CDC14B: variants seen among roughly 807,000 people sequenced by gnomAD.
CDC14B encodes cell division cycle 14B.
A neutral mutation model predicts 64.2 loss-of-function variants in CDC14B; 22 were observed. The ratio of observed to expected loss-of-function variants is 0.34; its 90% confidence interval spans 0.24 to 0.49. CDC14B has a LOEUF of 0.49. Among genes scored for constraint, CDC14B ranks in the 20% least tolerant of loss-of-function variants. The probability of loss-of-function intolerance (pLI) is 0.99; values close to 1 mark genes in which losing one functional copy is unlikely to be tolerated. For synonymous variants in CDC14B, 191 were observed against 215.8 expected, an observed-to-expected ratio of 0.89 and a Z score of 1.01; for missense variants, 498 against 629.9, an observed-to-expected ratio of 0.79 and a Z score of 2.24.
chr9:96,553,732 T>C (rs1466999649), intron 4 of CDC14B, among the ~76,000 whole-genome samples: 1 of 152,200 alleles, frequency 6.6e-6, no homozygotes, highest in African/African-American at 2.4e-5. Context: ...CAGCCTGTTT[T>C]TTCCAAATTC....
intron 12 of CDC14B, among the ~76,000 whole-genome samples, chr9:96,518,411 A>G (rs1836090733): frequency 6.6e-6 from 1 of 152,028 alleles, no homozygotes; most frequent in Non-Finnish European, 1.5e-5. Context: ...GCTACTCAGG[A>G]GGCTGAGGCA....
At chr9:96,616,492 A>C (rs1016302679) in intron 1 of CDC14B, among the ~76,000 whole-genome samples, 2 of 152,074 alleles carry the variant, frequency 1.3e-5, no homozygotes, top group Non-Finnish European at 2.9e-5. Context: ...TTGGGAGACC[A>C]AGGCGGGCGG....
intron 7 of CDC14B, 65 bp downstream of exon 7, chr9:96,539,013 T>G: frequency 2.0e-6 from 2 of 1,010,354 alleles, no homozygotes; most frequent in African/African-American, 3.2e-5. Flanking sequence ...TATTTGTCAA[T>G]TATTCCCCTC....
At chr9:96,557,569 AAC>A (rs1842652201) in intron 4 of CDC14B, among the ~76,000 whole-genome samples, 1 of 152,248 alleles carries the variant, frequency 6.6e-6, no homozygotes, top group Non-Finnish European at 1.5e-5. Flanking sequence ...ATCATTAAAT[AAC>A]AAAGTCCCTG....
intron 7 of CDC14B, among the ~76,000 whole-genome samples, chr9:96,535,206 C>T (rs1282195069): frequency 1.3e-5 from 2 of 152,132 alleles, no homozygotes; most frequent in Non-Finnish European, 2.9e-5. Context: ...ACTCGGGAGG[C>T]TGAGGCAGGA....
chr9:96,505,059 T>C lies in CDC14B; in HGVS notation c.1461-1270A>G, dbSNP rs1833934120. On this transcript the variant is annotated intron_variant, in intron 13 of 13. Coordinates refer to ENST00000375241, the MANE Select transcript of CDC14B (RefSeq NM_033331.4). ...AGCCAGGCGTGGTGATGCACGCCTG[T>C]ATTCCCAGCTATGCAGGAGGCTGAG... Among the ~76,000 whole-genome samples, 3 of 151,984 alleles carry C rather than the reference T, an allele frequency of 2.0e-5. No individual in the cohort carries two copies. In the South Asian group the frequency reaches 6.2e-4, roughly 32 times the overall value.
chr9:96,524,960 G>T (rs1018698054), intron 9 of CDC14B, among the ~76,000 whole-genome samples: 1 of 152,202 alleles, frequency 6.6e-6, no homozygotes, highest in Admixed American at 6.5e-5. Context: ...GTGGCTTTGT[G>T]ATTGACAACC....
At chr9:96,615,434 A>G (rs1847566641) in intron 1 of CDC14B, among the ~76,000 whole-genome samples, 1 of 152,232 alleles carries the variant, frequency 6.6e-6, no homozygotes, top group Non-Finnish European at 1.5e-5. Context: ...CACACGAAGT[A>G]TCCTGGGATC....
At chr9:96,589,353 T>C (rs1845651676) in intron 1 of CDC14B, among the ~76,000 whole-genome samples, 1 of 147,210 alleles carries the variant, frequency 6.8e-6, no homozygotes, top group Admixed American at 6.8e-5. Flanking sequence ...AAAAAAAAAA[T>C]ACACCTAGTA....
At chr9:96,531,431 T>C (rs1179754273) in intron 9 of CDC14B, among the ~76,000 whole-genome samples, 4 of 152,214 alleles carry the variant, frequency 2.6e-5, no homozygotes, top group Non-Finnish European at 5.9e-5. Flanking sequence ...ACAATACTGA[T>C]CATTTTTACG....
intron 1 of CDC14B, among the ~76,000 whole-genome samples, chr9:96,615,206 T>TA (rs1222556868): frequency 2.6e-5 from 4 of 152,030 alleles, no homozygotes; most frequent in South Asian, 2.1e-4. Context: ...ATAGTTCAAG[T>TA]AAAAAAATCC....
chr9:96,551,960 A>C (rs1841900055), intron 4 of CDC14B, 88 bp from the exon 5 acceptor site: 2 of 1,496,040 alleles, frequency 1.3e-6, no homozygotes. Context: ...TCCAATTTCC[A>C]ACCAACTGAG....
chr9:96,565,498 T>C lies in CDC14B; in HGVS notation c.161-15A>G, dbSNP rs1310095285. 2 of 1,545,200 alleles carry C rather than the reference T, an allele frequency of 1.3e-6. No individual in the cohort carries two copies. Among genetic ancestry groups the C allele is most frequent in the Non-Finnish European group, 1.8e-6 (2 of 1,117,478 alleles). ...ACAAAGGCGATCTGAAATGGAAAAA[T>C]TGCAATGTTCCTTCCTGGAGGTTAC... On this transcript the variant is annotated splice_polypyrimidine_tract_variant and intron_variant, in intron 1 of 13. Transcript: ENST00000375241.
At chr9:96,507,008 G>A (rs1163607096) in intron 13 of CDC14B, among the ~76,000 whole-genome samples, 1 of 152,216 alleles carries the variant, frequency 6.6e-6, no homozygotes, top group Non-Finnish European at 1.5e-5. Context: ...ACAAAAGCCT[G>A]AGCGGCCGGG....
chr9:96,523,571 G>T lies in CDC14B; in HGVS notation c.1085+16C>A. 6.2e-7 allele frequency: 1 copy of T among 1,614,020 alleles called. No homozygotes were observed. The highest frequency in any genetic ancestry group is 1.1e-5 in the South Asian group (1 of 91,066). On this transcript the variant is annotated intron_variant, in intron 10 of 13. Coordinates refer to ENST00000375241, the MANE Select transcript of CDC14B (RefSeq NM_033331.4). ...CACATGTTCCCTGGGAACTACAGAC[G>T]TAGGCTACTACTTACATCACCAAAA...
At chr9:96,594,872 G>A (rs1845984183) in intron 1 of CDC14B, among the ~76,000 whole-genome samples, 3 of 152,092 alleles carry the variant, frequency 2.0e-5, no homozygotes, top group Non-Finnish European at 2.9e-5. Flanking sequence ...TTAGCCCTTG[G>A]CTGGGCGCGG....
intron 1 of CDC14B, among the ~76,000 whole-genome samples, chr9:96,595,351 C>T (rs1474535937): frequency 6.6e-6 from 1 of 152,072 alleles, no homozygotes; most frequent in Non-Finnish European, 1.5e-5. Flanking sequence ...AGGCATACAA[C>T]GAAGCAGAAA....
chr9:96,554,058 G>T (rs1489149389), intron 4 of CDC14B, among the ~76,000 whole-genome samples: 2 of 152,120 alleles, frequency 1.3e-5, no homozygotes, highest in African/African-American at 4.8e-5. Context: ...CAGCCACTCA[G>T]GAGGCTAAGG....
chr9:96,592,600 C>T (rs918314855), intron 1 of CDC14B, among the ~76,000 whole-genome samples: 2 of 152,008 alleles, frequency 1.3e-5, no homozygotes, highest in African/African-American at 2.4e-5. Context: ...ATAGTGAAAC[C>T]CTGTCTCTAC....
Sources: gnomAD v4.1 joint callset for allele counts (sites outside exome capture counted in the v4.1 genomes callset) on GRCh38, gnomAD v4.1.1 for gene constraint, MANE v1.5 for transcripts, NCBI Gene and HGNC (gene_info 2026-07-23, HGNC 2026-07-21) for gene names.